SPMAP2L: variants seen among roughly 807,000 people sequenced by gnomAD.
The protein encoded by SPMAP2L is sperm microtubule associated protein 2-like.
At chr4:56,548,757 C>A in the SPMAP2L span, 2 of 1,434,426 alleles carry the variant, frequency 1.4e-6, no homozygotes, top group South Asian at 1.4e-5. Context: ...CCTGTTGAAT[C>A]TAATTTTTGC....
the SPMAP2L span, chr4:56,584,737 A>G: frequency 1.5e-6 from 1 of 681,806 alleles, no homozygotes; most frequent in African/African-American, 1.8e-5. Context: ...AACTTTTCTG[A>G]CTCTTTCTTC....
chr4:56,584,029 C>T, the SPMAP2L span, among the ~76,000 whole-genome samples: 1 of 151,406 alleles, frequency 6.6e-6, no homozygotes, highest in African/African-American at 2.4e-5. Flanking sequence ...TGCAGTGGTG[C>T]AATCTTGGCT....
At chr4:56,589,344 T>A in the SPMAP2L span, among the ~76,000 whole-genome samples, 83 of 152,156 alleles carry the variant, frequency 5.5e-4, 1 homozygote, top group Admixed American at 1.0e-3. Context: ...GGCCTTATAG[T>A]ATAGTTTGAA....
the SPMAP2L span, among the ~76,000 whole-genome samples, chr4:56,543,300 G>A: frequency 1.3e-5 from 2 of 152,072 alleles, no homozygotes; most frequent in South Asian, 2.1e-4. Context: ...AGCCAGGATG[G>A]TCTCGACCTC....
At chr4:56,564,992 G>A in the SPMAP2L span, among the ~76,000 whole-genome samples, 1,074 of 152,142 alleles carry the variant, frequency 7.1e-3, 19 homozygotes, top group African/African-American at 0.024. Flanking sequence ...CTTCCTATTG[G>A]TTTCTAATTT....
chr4:56,593,536 T>C, the SPMAP2L span: 2 of 1,599,542 alleles, frequency 1.3e-6, no homozygotes, highest in Non-Finnish European at 8.6e-7. Context: ...CTGTGTGTGC[T>C]ACTGACCTTT....
At chr4:56,603,338 A>G in the SPMAP2L span, 3 of 1,515,332 alleles carry the variant, frequency 2.0e-6, no homozygotes, top group Non-Finnish European at 2.7e-6. Context: ...AGAAAGCCAC[A>G]ACAGTCAGAC....
the SPMAP2L span, chr4:56,594,928 C>A: frequency 3.1e-6 from 5 of 1,611,852 alleles, no homozygotes; most frequent in African/African-American, 5.3e-5. Context: ...AGACCTTCTG[C>A]ATTCCCCACA....
chr4:56,594,219 C>T, the SPMAP2L span: 1 of 1,608,732 alleles, frequency 6.2e-7, no homozygotes, highest in Non-Finnish European at 8.5e-7. Flanking sequence ...CCGTTCCTCA[C>T]CCATCAAGTG....
chr4:56,603,589 A>G, the SPMAP2L span: 16 of 289,938 alleles, frequency 5.5e-5, no homozygotes, highest in Non-Finnish European at 9.6e-5. Context: ...GTTTCCTCAC[A>G]AGCATCTTGG....
At chr4:56,611,957 T>G in the SPMAP2L span, among the ~76,000 whole-genome samples, 1 of 152,208 alleles carries the variant, frequency 6.6e-6, no homozygotes, top group South Asian at 2.1e-4. Flanking sequence ...CTAACTGCCT[T>G]TAAGTTTCTG....
At chr4:56,548,779 T>C in the SPMAP2L span, 1 of 1,475,602 alleles carries the variant, frequency 6.8e-7, no homozygotes, top group Non-Finnish European at 8.9e-7. Flanking sequence ...TTTACTTTTG[T>C]TTTCTTTTAG....
chr4:56,580,666 G>T, the SPMAP2L span, among the ~76,000 whole-genome samples: 32 of 151,520 alleles, frequency 2.1e-4, no homozygotes, highest in African/African-American at 7.5e-4. Context: ...AAAATAAAGG[G>T]CATCCAGATC....
chr4:56,588,482 A>G, the SPMAP2L span, among the ~76,000 whole-genome samples: 1 of 148,120 alleles, frequency 6.8e-6, no homozygotes, highest in African/African-American at 2.5e-5. Flanking sequence ...CCCAGGCTGG[A>G]GTGCAATGGT....
chr4:56,596,842 T>C, the SPMAP2L span, among the ~76,000 whole-genome samples: 1 of 152,206 alleles, frequency 6.6e-6, no homozygotes, highest in Non-Finnish European at 1.5e-5. Flanking sequence ...GTTTTGGAGC[T>C]GGATTCAAAT....
At chr4:56,609,400 G>A in the SPMAP2L span, among the ~76,000 whole-genome samples, 10 of 152,160 alleles carry the variant, frequency 6.6e-5, no homozygotes, top group Non-Finnish European at 1.2e-4. Context: ...GCTGGAGGGG[G>A]AGTTTGCTTC....
the SPMAP2L span, among the ~76,000 whole-genome samples, chr4:56,610,956 C>T: frequency 1.9e-4 from 29 of 152,010 alleles, no homozygotes; most frequent in Non-Finnish European, 3.7e-4. Context: ...TGTGTGGATG[C>T]AGTGAAAAGG....
the SPMAP2L span, among the ~76,000 whole-genome samples, chr4:56,539,107 T>A: frequency 0.12 from 17,776 of 152,240 alleles, 1,205 homozygotes; most frequent in Middle Eastern, 0.18. Context: ...GCATTTTGGT[T>A]GTGTGCCAAA....
the SPMAP2L span, among the ~76,000 whole-genome samples, chr4:56,587,280 T>TGATC: frequency 2.0e-5 from 3 of 152,096 alleles, no homozygotes; most frequent in African/African-American, 4.8e-5. Flanking sequence ...ATTGATTGAT[T>TGATC]GATTGATTGA....
Sources: gnomAD v4.1 joint callset for allele counts (sites outside exome capture counted in the v4.1 genomes callset) on GRCh38, gnomAD v4.1.1 for gene constraint, MANE v1.5 for transcripts, NCBI Gene and HGNC (gene_info 2026-07-23, HGNC 2026-07-21) for gene names.